The following JADE1 variants were observed in gnomAD, a reference collection of about 807,000 sequenced individuals.
JADE1 encodes jade family PHD finger 1, also known as protein Jade-1.
Under a neutral mutation model 81.8 loss-of-function variants are expected in JADE1, and 14 were observed. That is an observed-to-expected ratio of 0.17 (90% CI 0.11 to 0.27). The LOEUF is 0.27. Among genes scored for constraint, JADE1 ranks in the 10% least tolerant of loss-of-function variants. The pLI is 1.00. For synonymous variants in JADE1, 353 were observed against 391.9 expected (o/e 0.90, Z 1.17); for missense variants, 690 against 1,047.9 (o/e 0.66, Z 4.71).
rs1248538310 is a variant in JADE1 at position 128,858,821 on chromosome 4, G to A, written c.981+1367G>A. 3.3e-5 allele frequency among the ~76,000 whole-genome samples: 5 copies of A among 152,132 alleles called. No homozygotes were observed. The East Asian group carries it at 9.7e-4, about 29-fold the overall frequency. On this transcript the variant is annotated intron_variant, in intron 8 of 10. Coordinates refer to ENST00000226319, the MANE Select transcript of JADE1 (RefSeq NM_199320.4). ...ATGGGGGTTTCACCATGTTGGCCAGGCTGGTCTCGAACTCCTGACCTCGTG... is the reference window on the plus strand; with the variant it reads ...ATGGGGGTTTCACCATGTTGGCCAGACTGGTCTCGAACTCCTGACCTCGTG...
At position 128,872,515 on chromosome 4, in the gene JADE1, G is replaced by A. The variant is rs17013877; in HGVS notation, c.*253G>A. ...CACTGCTAAGACTAGAACCCGAACTGAACACTAAAATAAAAATGAAATGTT... is the reference window on the plus strand; with the variant it reads ...CACTGCTAAGACTAGAACCCGAACTAAACACTAAAATAAAAATGAAATGTT... On this transcript the variant is annotated 3_prime_UTR_variant, in exon 11 of 11. Coordinates refer to ENST00000226319, the MANE Select transcript of JADE1 (RefSeq NM_199320.4). The A allele has an allele frequency of 0.012, 5,214 of 427,786 alleles. 143 individuals carry two copies. Among genetic ancestry groups the A allele is most frequent in the African/African-American group, 0.074 (3,761 of 50,590 alleles). The allele number at this position is 427,786 out of a possible 1,614,324, so 26.5% of individuals were successfully genotyped here.
chr4:128,824,137 G>A lies in JADE1; in HGVS notation c.-26-7596G>A, dbSNP rs555001704. 9.8e-5 allele frequency among the ~76,000 whole-genome samples: 15 copies of A among 152,310 alleles called. No individual in the cohort carries two copies. The South Asian group carries it at 2.9e-3, about 29-fold the overall frequency. ...TATGTGAACTTAAACAGAAAGGAGTGGCAGGGCGCGGTGGCTCACGCCTGT... is the reference window on the plus strand; with the variant it reads ...TATGTGAACTTAAACAGAAAGGAGTAGCAGGGCGCGGTGGCTCACGCCTGT... On this transcript the variant is annotated intron_variant, in intron 1 of 10. Coordinates refer to ENST00000226319, the MANE Select transcript of JADE1 (RefSeq NM_199320.4).
chr4:128,836,693 A>G (rs1446569323), intron 2 of JADE1, among the ~76,000 whole-genome samples: 3 of 150,850 alleles, frequency 2.0e-5, no homozygotes, highest in Non-Finnish European at 4.4e-5. Context: ...CAGGAATTAT[A>G]TATTATTGTT....
intron 9 of JADE1, chr4:128,863,545 C>G: frequency 1.0e-6 from 1 of 985,368 alleles, no homozygotes; most frequent in Non-Finnish European, 1.2e-6. Flanking sequence ...CGACTGAGTG[C>G]CAGCTTATTT....
chr4:128,850,962 G>T (rs775500174), intron 5 of JADE1, among the ~76,000 whole-genome samples: 4 of 151,930 alleles, frequency 2.6e-5, no homozygotes, highest in Admixed American at 6.6e-5. Context: ...ATGAAGTCTC[G>T]CTCTGTGGCC....
At chr4:128,864,515 T>C in intron 9 of JADE1, 1 of 985,264 alleles carries the variant, frequency 1.0e-6, no homozygotes, top group Non-Finnish European at 1.2e-6. Flanking sequence ...CCTGTGATGG[T>C]GAAGGCATTA....
chr4:128,862,497 GGGT>G, intron 9 of JADE1: 2 of 1,310,564 alleles, frequency 1.5e-6, no homozygotes, highest in South Asian at 3.7e-5. Context: ...AGATCAAATG[GGGT>G]GTGTCTTCCC....
intron 2 of JADE1, among the ~76,000 whole-genome samples, chr4:128,832,590 T>G (rs1728644883): frequency 6.6e-6 from 1 of 152,190 alleles, no homozygotes; most frequent in Admixed American, 6.5e-5. Context: ...GAACTCTGCT[T>G]TAGACATATG....
At chr4:128,813,503 C>A (rs1726686104) in intron 1 of JADE1, among the ~76,000 whole-genome samples, 1 of 148,320 alleles carries the variant, frequency 6.7e-6, no homozygotes, top group Admixed American at 6.9e-5. Context: ...ACTGCAACCT[C>A]CGCCTCCTGG....
At chr4:128,847,182 G>C (rs1729941729) in intron 4 of JADE1, among the ~76,000 whole-genome samples, 1 of 152,158 alleles carries the variant, frequency 6.6e-6, no homozygotes, top group African/African-American at 2.4e-5. Context: ...TTTCCTCACT[G>C]TGCCACTCTG....
At chr4:128,831,648 T>C (rs1728565400) in intron 1 of JADE1, 85 bp from the exon 2 acceptor site, 1 of 1,161,946 alleles carries the variant, frequency 8.6e-7, no homozygotes, top group Admixed American at 1.8e-5. Context: ...TTTTGTTTGC[T>C]GTAAATCCTG....
chr4:128,855,385 A>C (rs1262043456), intron 6 of JADE1, among the ~76,000 whole-genome samples: 1 of 152,176 alleles, frequency 6.6e-6, no homozygotes, highest in Admixed American at 6.5e-5. Flanking sequence ...TGCTAAATAA[A>C]TATGTATTGT....
intron 7 of JADE1, 48 bp downstream of exon 7, chr4:128,855,845 G>A (rs762798877): frequency 5.9e-5 from 89 of 1,510,376 alleles, no homozygotes; most frequent in Non-Finnish European, 7.6e-5. Flanking sequence ...TTAAGACAGA[G>A]TTTAACTCTG....
intron 10 of JADE1, among the ~76,000 whole-genome samples, chr4:128,870,504 G>C (rs10015538): frequency 0.016 from 2,409 of 152,262 alleles, 76 homozygotes; most frequent in African/African-American, 0.055. Context: ...GAATTCACCT[G>C]CTAGGGGTAA....
chr4:128,830,039 G>A (rs1319226947), intron 1 of JADE1, among the ~76,000 whole-genome samples: 3 of 151,330 alleles, frequency 2.0e-5, no homozygotes, highest in Non-Finnish European at 4.4e-5. Flanking sequence ...CACCACGCAC[G>A]GCTAATTTTT....
At chr4:128,848,926 T>G (rs1386858487) in intron 4 of JADE1, 54 bp from the exon 5 acceptor site, 45 of 1,583,832 alleles carry the variant, frequency 2.8e-5, no homozygotes, top group Non-Finnish European at 3.9e-5. Flanking sequence ...GTGGCACACT[T>G]CATTGTCTGT....
intron 2 of JADE1, 40 bp from the exon 3 acceptor site, chr4:128,842,912 GC>G (rs1308050153): frequency 6.4e-7 from 1 of 1,572,852 alleles, no homozygotes. Context: ...AGTGACCCCT[GC>G]AATTTCTAAT....
At chr4:128,866,865 G>T (rs1731816726) in intron 9 of JADE1, among the ~76,000 whole-genome samples, 1 of 152,208 alleles carries the variant, frequency 6.6e-6, no homozygotes, top group Admixed American at 6.5e-5. Flanking sequence ...TTGGTGTGCT[G>T]TGTCTGACAT....
chr4:128,848,203 C>T (rs1035697370), intron 4 of JADE1, among the ~76,000 whole-genome samples: 8 of 152,166 alleles, frequency 5.3e-5, no homozygotes, highest in Middle Eastern at 3.4e-3. Context: ...GCGTTTGAGA[C>T]AGTCTCACTC....
Sources: gnomAD v4.1 joint callset for allele counts (sites outside exome capture counted in the v4.1 genomes callset) on GRCh38, gnomAD v4.1.1 for gene constraint, MANE v1.5 for transcripts, NCBI Gene and HGNC (gene_info 2026-07-23, HGNC 2026-07-21) for gene names.